ADGRV1: variants seen among roughly 807,000 people sequenced by gnomAD.
The protein encoded by ADGRV1 is G-protein coupled receptor 98.
In ADGRV1, 359 loss-of-function variants were observed where a neutral mutation model predicts 596.2. The ratio of observed to expected loss-of-function variants is 0.60; its 90% CI spans 0.55 to 0.66. The LOEUF is 0.66. Among genes scored for constraint, ADGRV1 ranks in the 30% least tolerant of loss-of-function variants. ADGRV1 has a pLI of 0.00. For missense variants in ADGRV1, 7,274 were observed against 7,575.6 expected, an observed-to-expected ratio of 0.96 and a Z score of 1.48; for synonymous variants, 2,681 against 2,679.2, an observed-to-expected ratio of 1.00 and a Z score of -0.02.
At chr5:90,661,442 T>A (rs1246317147) in intron 21 of ADGRV1, among the ~76,000 whole-genome samples, 5 of 152,242 alleles carry the variant, frequency 3.3e-5, no homozygotes, top group Non-Finnish European at 5.9e-5. Flanking sequence ...TGTGAATAGA[T>A]TCCTTGGGAT....
intron 85 of ADGRV1, among the ~76,000 whole-genome samples, chr5:91,049,710 A>G (rs985065507): frequency 1.3e-5 from 2 of 152,256 alleles, no homozygotes; most frequent in African/African-American, 4.8e-5. Flanking sequence ...GCAATCTCAG[A>G]CAAATATAAA....
In ADGRV1 at chr5:90,689,901, A is replaced by G. The variant is rs760521313; in HGVS notation, c.6531A>G (p.Leu2177=). 10 of 1,613,228 alleles carry G rather than the reference A, an allele frequency of 6.2e-6. No homozygotes were observed. Among genetic ancestry groups the G allele is most frequent in the Non-Finnish European group, 8.5e-6 (10 of 1,179,462 alleles). ...TAGCTTCATCAGATGTGGTCTTGCT[A>G]GAAGGGGAAACCAGTAAAGCCGTGC... ...YSIASSDVVL[L]EGETSKAVPI... Residue 2177 remains leucine (L), a synonymous_variant, in exon 30 of 90, where the codon CTA becomes CTG. Coordinates refer to ENST00000405460, the MANE Select transcript of ADGRV1 (RefSeq NM_032119.4).
intron 26 of ADGRV1, among the ~76,000 whole-genome samples, chr5:90,680,001 G>A (rs55835641): frequency 0.32 from 48,037 of 151,972 alleles, 8,102 homozygotes; most frequent in Admixed American, 0.47. Flanking sequence ...TAGAAAATTT[G>A]TATTTTCGTT....
intron 74 of ADGRV1, among the ~76,000 whole-genome samples, chr5:90,814,998 T>G (rs920861002): frequency 1.3e-5 from 2 of 151,756 alleles, no homozygotes; most frequent in Non-Finnish European, 2.9e-5. Context: ...ACATTTTTTT[T>G]TTTAGTATAA....
rs193215322 is a variant in ADGRV1 at position 91,094,713 on chromosome 5, G to A, written c.18311-7506G>A. 6.6e-5 allele frequency among the ~76,000 whole-genome samples: 10 copies of A among 152,220 alleles called. No individual in the cohort carries two copies. The East Asian group carries it at 9.7e-4, about 15-fold the overall frequency. On this transcript the variant is annotated intron_variant, in intron 86 of 89. Transcript: ENST00000405460. ...ATGGGGCATCAGGGTAAATCGGTGC[G>A]AATGGTGATACCAGTACTCAGGAGG...
chr5:90,621,828 T>TTGA (rs1199627040), intron 4 of ADGRV1, among the ~76,000 whole-genome samples: 1 of 152,164 alleles, frequency 6.6e-6, no homozygotes. Context: ...GAAGATGACA[T>TTGA]TGATGATGAT....
intron 83 of ADGRV1, among the ~76,000 whole-genome samples, chr5:90,865,678 T>C (rs907414024): frequency 2.6e-5 from 4 of 152,112 alleles, no homozygotes; most frequent in African/African-American, 9.7e-5. Context: ...ATGTTATTGA[T>C]AGAAAATAGT....
At chr5:90,968,311 G>A (rs938913928) in intron 84 of ADGRV1, among the ~76,000 whole-genome samples, 1 of 152,112 alleles carries the variant, frequency 6.6e-6, no homozygotes, top group Non-Finnish European at 1.5e-5. Context: ...TATGGAGAGG[G>A]AAATGACCAA....
At chr5:91,162,694 T>C (rs1258507557) in intron 89 of ADGRV1, among the ~76,000 whole-genome samples, 2 of 151,698 alleles carry the variant, frequency 1.3e-5, no homozygotes, top group Admixed American at 6.6e-5. Context: ...ACAGAGAGAG[T>C]GCGAAGGTCA....
intron 1 of ADGRV1, among the ~76,000 whole-genome samples, chr5:90,603,707 TGACTTGGGGCCCAACA>T (rs1445032843): frequency 6.6e-6 from 1 of 151,656 alleles, no homozygotes; most frequent in Non-Finnish European, 1.5e-5. Context: ...GCTTTGGAGG[TGACTTGGGGCCCAACA>T]CCCCAGGAGG....
intron 83 of ADGRV1, among the ~76,000 whole-genome samples, chr5:90,876,347 C>A (rs1769215586): frequency 6.6e-6 from 1 of 152,034 alleles, no homozygotes; most frequent in Admixed American, 6.6e-5. Context: ...TTAAAGTGTT[C>A]AATTAAATAT....
At chr5:90,919,011 C>T (rs1773630198) in intron 83 of ADGRV1, among the ~76,000 whole-genome samples, 1 of 152,194 alleles carries the variant, frequency 6.6e-6, no homozygotes, top group Non-Finnish European at 1.5e-5. Flanking sequence ...TCTCTAAAAG[C>T]TTTGTTTTAA....
In ADGRV1 at chr5:90,854,149, A is replaced by G. The variant is rs779233375; in HGVS notation, c.17542A>G (p.Arg5848Gly). Residue 5848 changes from arginine to glycine, a missense_variant, in exon 81 of 90, where the codon AGA becomes GGA. Arg to Gly is a moderately radical substitution (Grantham distance 125). This residue lies in a region of ADGRV1 where 1,874 missense variants were observed against 1,970.2 expected (regional missense o/e 0.95). Coordinates refer to ENST00000405460, the MANE Select transcript of ADGRV1 (RefSeq NM_032119.4). Reference protein sequence around the residue: ...VLYRIYAAEPRIIPQTSLCLL... With the variant: ...VLYRIYAAEPGIIPQTSLCLL... ...CTACAGGATTTATGCTGCTGAGCCT[A>G]GAATTATTCCTCAGACATCTCTGTG... 5 of 1,563,284 alleles carry G rather than the reference A, an allele frequency of 3.2e-6. No homozygotes were observed. Among genetic ancestry groups the G allele is most frequent in the Non-Finnish European group, 4.3e-6 (5 of 1,151,892 alleles).
intron 21 of ADGRV1, among the ~76,000 whole-genome samples, chr5:90,658,890 G>T (rs1769823189): frequency 6.6e-6 from 1 of 152,078 alleles, no homozygotes; most frequent in Non-Finnish European, 1.5e-5. Context: ...TACTTCCCAG[G>T]TGTTCTGTGT....
chr5:90,789,514 C>T (rs1038994339), intron 68 of ADGRV1, among the ~76,000 whole-genome samples, 188 bp from the exon 69 acceptor site: 18 of 152,248 alleles, frequency 1.2e-4, no homozygotes, highest in African/African-American at 3.6e-4. Flanking sequence ...TAAGAACCTA[C>T]TTGTTTTAGG....
rs538875661 is a variant in ADGRV1, at chr5:91,009,735, G to A, written c.18152+24213G>A. Among the ~76,000 whole-genome samples, 4 of 152,070 alleles carry A rather than the reference G, an allele frequency of 2.6e-5. No homozygotes were observed. The South Asian group carries it at 8.3e-4, about 32-fold the overall frequency. On this transcript the variant is annotated intron_variant, in intron 85 of 89. Transcript: ENST00000405460. ...TTAATTAGTCATGTCATGAACCAAA[G>A]TTATATAATATGTGTTTATAAAATA...
chr5:90,594,963 C>T (rs1473332631), intron 1 of ADGRV1, among the ~76,000 whole-genome samples: 1 of 148,640 alleles, frequency 6.7e-6, no homozygotes, highest in Non-Finnish European at 1.5e-5. Context: ...ACAAAGCCGC[C>T]ATTGTCATCC....
intron 85 of ADGRV1, among the ~76,000 whole-genome samples, chr5:91,041,667 G>A (rs994979242): frequency 3.3e-5 from 5 of 151,358 alleles, no homozygotes; most frequent in Non-Finnish European, 7.4e-5. Flanking sequence ...AGAGAGACTT[G>A]CGCAATTTGA....
rs372113605 is a variant in ADGRV1, at chr5:90,829,112, G to C, written c.16537G>C (p.Ala5513Pro). Residue 5513 changes from alanine to proline, a missense_variant, in exon 77 of 90, where the codon GCC becomes CCC. Physicochemically the swap from Ala to Pro is conservative, Grantham distance 27. This residue lies in a region of ADGRV1 where 1,874 missense variants were observed against 1,970.2 expected (regional missense o/e 0.95). Transcript: ENST00000405460. ...TCGGCTGGCAGTGGCTCACAAGAAG[G>C]CCACTTTAATCAGTCTGCAGGTGGC... Reference protein sequence around the residue: ...GSRLAVAHKKATLISLQVARD... With the variant: ...GSRLAVAHKKPTLISLQVARD... The C allele has an allele frequency of 6.2e-7, 1 of 1,612,008 alleles. No individual in the cohort carries two copies. Among genetic ancestry groups the C allele is most frequent in the Non-Finnish European group, 8.5e-7 (1 of 1,178,638 alleles).
Sources: gnomAD v4.1 joint callset for allele counts (sites outside exome capture counted in the v4.1 genomes callset) on GRCh38, gnomAD v4.1.1 for gene constraint, gnomAD v4.1.1 regional missense constraint, MANE v1.5 for transcripts, NCBI Gene and HGNC (gene_info 2026-07-23, HGNC 2026-07-21) for gene names.